The following TOP3B variants were observed in gnomAD, a reference collection of about 807,000 sequenced individuals.
TOP3B encodes the protein DNA topoisomerase 3-beta-1.
A neutral mutation model predicts 93.9 loss-of-function variants in TOP3B; 45 were observed. That is an observed-to-expected ratio of 0.48 (90% confidence interval 0.38 to 0.61). The LOEUF (loss-of-function observed/expected upper bound fraction) is 0.61. Among genes scored for constraint, TOP3B ranks in the 20% least tolerant of loss-of-function variants. TOP3B has a pLI of 0.00. For synonymous variants in TOP3B, 357 were observed against 472.6 expected, an observed-to-expected ratio of 0.76 and a Z score of 3.17; for missense variants, 750 against 1,156.1, an observed-to-expected ratio of 0.65 and a Z score of 5.09.
Position 21,971,832 on chromosome 22 carries a change from G to A in TOP3B, c.384+45C>T, listed in dbSNP as rs367799264. Reference sequence around the variant, plus strand: ...CTGCTGGTGTCAGTTTGGGGCTGGTGTCAGAAAGGCCAAAAGTGAGGAACA... The same window carrying A: ...CTGCTGGTGTCAGTTTGGGGCTGGTATCAGAAAGGCCAAAAGTGAGGAACA... On this transcript the variant is annotated intron_variant, in intron 5 of 17. Transcript: ENST00000357179. This position sits in a 1 kb window ranked among gnomAD's most constrained non-coding sequence, Gnocchi z 4.6. The A allele has an allele frequency of 6.7e-5, 106 of 1,591,316 alleles. 1 individual carries two copies. The African/African-American group carries it at 1.2e-3, about 19-fold the overall frequency.
chr22:21,962,691 G>C (rs1242106151), intron 12 of TOP3B, 56 bp downstream of exon 12: 30 of 1,610,218 alleles, frequency 1.9e-5, no homozygotes, highest in Non-Finnish European at 2.0e-5. Flanking sequence ...ACACGATGTA[G>C]AATGTTTGTC....
chr22:21,968,330 G>C (rs1056246518), intron 7 of TOP3B: 6 of 433,996 alleles, frequency 1.4e-5, no homozygotes, highest in African/African-American at 9.8e-5. Flanking sequence ...CCAGTGCTTG[G>C]ACCTGACCAC....
In TOP3B at chr22:21,958,474, G is replaced by A. The variant is rs1234720686; in HGVS notation, c.2107+18C>T. 2 of 1,613,698 alleles carry A rather than the reference G, an allele frequency of 1.2e-6. No individual in the cohort carries two copies. The highest frequency in any genetic ancestry group is 2.7e-5 in the African/African-American group (2 of 74,950). On this transcript the variant is annotated intron_variant, in intron 17 of 17. Transcript: ENST00000357179. The stretch of plus-strand genomic sequence containing the variant: ...AGACTGCAGCTACCTGTGGACAGGA[G>A]GGAGTGGCTGCACTCACCTTTCTTC...
intron 8 of TOP3B, chr22:21,966,190 C>T (rs2071408198): frequency 6.6e-6 from 1 of 152,164 alleles, no homozygotes; most frequent in Non-Finnish European, 1.5e-5. Flanking sequence ...CACGTGCCAC[C>T]ATGCCCGTCT....
At chr22:21,978,373 G>GTT in intron 1 of TOP3B, among the ~76,000 whole-genome samples, 1 of 152,154 alleles carries the variant, frequency 6.6e-6, no homozygotes, top group East Asian at 1.9e-4. Context: ...GAGGCCAGGA[G>GTT]TTTGAGAAGA....
intron 1 of TOP3B, chr22:21,976,199 A>C (rs2145878823): frequency 6.5e-6 from 1 of 152,758 alleles, no homozygotes; most frequent in Middle Eastern, 3.4e-3. Flanking sequence ...TGGAAAGAGG[A>C]ACTATCGTGG....
At position 21,964,306 on chromosome 22, in the gene TOP3B, G is replaced by C. The variant is rs1442709781; in HGVS notation, c.953C>G (p.Pro318Arg). 6.2e-7 allele frequency: 1 copy of C among 1,613,714 alleles called. No homozygotes were observed. Among genetic ancestry groups the C allele is most frequent in the African/African-American group, 1.3e-5 (1 of 75,038 alleles). ...RVASSSLGMG[P>R]QHAMQTAERL... is the part of the protein sequence containing the mutation. ...CTCAGCCGTCTGCATGGCGTGCTGC[G>C]GCCCCATGCCTGCGAGAGACAGGAG... The change falls in exon 10 of 18, where the codon CCG becomes CGG. Residue 318 changes from proline to arginine, a missense_variant. Pro to Arg is a moderately radical substitution (Grantham distance 103). Around this residue, in one of 4 missense-constraint regions of TOP3B, gnomAD observed 737 missense variants for 933.7 expected, o/e 0.79. Coordinates refer to ENST00000357179, the MANE Select transcript of TOP3B (RefSeq NM_001282112.2).
At chr22:21,972,195 C>T (rs1601850430) in intron 4 of TOP3B, 1 of 516,756 alleles carries the variant, frequency 1.9e-6, no homozygotes, top group East Asian at 3.2e-5. Flanking sequence ...GATCTTATAC[C>T]CCAAAACTGC....
At position 21,963,049 on chromosome 22, in the gene TOP3B, G is replaced by A. The variant is rs1259055434; in HGVS notation, c.1205-156C>T. Reference sequence around the variant, plus strand: ...GGGAAGGAGGAAAGAAAATGTGCAGGAAGGCCGGGCGTGGTGGCTCATGCC... The same window carrying A: ...GGGAAGGAGGAAAGAAAATGTGCAGAAAGGCCGGGCGTGGTGGCTCATGCC... On this transcript the variant is annotated intron_variant, in intron 11 of 17. Coordinates refer to ENST00000357179, the MANE Select transcript of TOP3B (RefSeq NM_001282112.2). The surrounding 1 kb of genome is among the most constrained non-coding windows in gnomAD (Gnocchi z 4.8). The A allele has an allele frequency of 2.2e-6, 2 of 900,192 alleles. No homozygotes were observed. The highest frequency in any genetic ancestry group is 2.7e-5 in the East Asian group (1 of 37,384). 55.8% of individuals were successfully genotyped at this position (900,192 alleles called of 1,614,324 possible).
chr22:21,981,855 G>A lies in TOP3B; in HGVS notation c.-99+875C>T, dbSNP rs549714959. On this transcript the variant is annotated intron_variant, in intron 1 of 17. Coordinates refer to ENST00000357179, the MANE Select transcript of TOP3B (RefSeq NM_001282112.2). ...TGGCCTGGGAGTAGGCCTAGCAGTGGTCTGAATAGCATTAAAATTCCTAGG... is the reference window on the plus strand; with the variant it reads ...TGGCCTGGGAGTAGGCCTAGCAGTGATCTGAATAGCATTAAAATTCCTAGG... 3.8e-4 allele frequency among the ~76,000 whole-genome samples: 58 copies of A among 152,134 alleles called. No homozygotes were observed. The South Asian group carries it at 9.3e-3, about 24-fold the overall frequency.
In TOP3B at chr22:21,960,341, A is replaced by G; in HGVS notation, c.1634T>C (p.Val545Ala). ...CTCACCAATCTTATAGTAGCCGTGC[A>G]CCAGGACGATGCCGAGGTTGGTGGG... ...LKPTNLGIVL[V>A]HGYYKIDAEL... The change falls in exon 14 of 18, where the codon GTG becomes GCG. Residue 545 changes from valine (V) to alanine (A), a missense_variant. Val to Ala is a moderately conservative substitution (Grantham distance 64). Coordinates refer to ENST00000357179, the MANE Select transcript of TOP3B (RefSeq NM_001282112.2). The G allele has an allele frequency of 6.2e-7, 1 of 1,613,562 alleles. No homozygotes were observed. The highest frequency in any genetic ancestry group is 1.3e-5 in the African/African-American group (1 of 75,022).
chr22:21,965,314 T>A lies in TOP3B; in HGVS notation c.914A>T (p.Glu305Val). The A allele has an allele frequency of 6.2e-7, 1 of 1,606,696 alleles. No individual in the cohort carries two copies. Among genetic ancestry groups the A allele is most frequent in the East Asian group, 2.3e-5 (1 of 44,236 alleles). The change falls in exon 9 of 18, where the codon GAG becomes GTG. Residue 305 changes from glutamate (E) to valine (V), a missense_variant. Around this residue, in one of 4 missense-constraint regions of TOP3B, gnomAD observed 737 missense variants for 933.7 expected, o/e 0.79. Transcript: ENST00000357179. ...KQRPLALNTV[E>V]MLRVASSSLG... ...AGAAGAGCTGGCCACACGCAGCATC[T>A]CCACAGTGTTCAGGGCCAGGGGCCT... is the stretch of plus-strand genomic sequence containing the variant.
Position 21,962,903 on chromosome 22 carries a change from G to C in TOP3B, c.1205-10C>G, listed in dbSNP as rs760968837. The C allele has an allele frequency of 2.5e-5, 40 of 1,610,222 alleles. No individual in the cohort carries two copies. The African/African-American group carries it at 3.5e-4, about 14-fold the overall frequency. Reference sequence around the variant, plus strand: ...CGCCACGCGTCACCCCCTGCAACAGGCCAGGGCTAGTCAGTTGGGAGCCAG... The same window carrying C: ...CGCCACGCGTCACCCCCTGCAACAGCCCAGGGCTAGTCAGTTGGGAGCCAG... On this transcript the variant is annotated splice_polypyrimidine_tract_variant and intron_variant, in intron 11 of 17. Coordinates refer to ENST00000357179, the MANE Select transcript of TOP3B (RefSeq NM_001282112.2).
chr22:21,967,864 T>C (rs2071474905), intron 7 of TOP3B, 148 bp from the exon 8 acceptor site: 1 of 625,024 alleles, frequency 1.6e-6, no homozygotes, highest in South Asian at 1.9e-5. Flanking sequence ...CCTGTTCAGG[T>C]GGGCAGATAC....
At position 21,959,407 on chromosome 22, in the gene TOP3B, G is replaced by A. The variant is rs112953094; in HGVS notation, c.1805-175C>T. 6.7e-6 allele frequency: 10 copies of A among 1,487,588 alleles called. No individual in the cohort carries two copies. In the African/African-American group the frequency reaches 9.8e-5, roughly 15 times the overall value. 92.1% of individuals were successfully genotyped at this position (1,487,588 alleles called of 1,614,324 possible). ...GTCAGAGGCACGTGTTCCTGGCCAT[G>A]TGTGGTGTTAATGCACCTGCTCTTT... On this transcript the variant is annotated intron_variant, in intron 15 of 17. Transcript: ENST00000357179.
At chr22:21,975,903 A>C (rs1476861037) in intron 1 of TOP3B, 96 bp from the exon 2 acceptor site, 3 of 811,444 alleles carry the variant, frequency 3.7e-6, no homozygotes, top group Non-Finnish European at 4.9e-6. Flanking sequence ...AACAAGACCA[A>C]CCTGAGGCAA....
chr22:21,966,419 G>C (rs2071416877), intron 8 of TOP3B: 1 of 152,230 alleles, frequency 6.6e-6, no homozygotes, highest in Non-Finnish European at 1.5e-5. Context: ...GCCCGTCCCA[G>C]GGGAAGTACC....
Position 21,960,222 on chromosome 22 carries a change from T to G in TOP3B, c.1654+99A>C. On this transcript the variant is annotated intron_variant, in intron 14 of 17. Coordinates refer to ENST00000357179, the MANE Select transcript of TOP3B (RefSeq NM_001282112.2). ...AGTGTGTGTGGGGCTGGGGGATCAC[T>G]GTAGGGCAGGGGCCTGTCTGGAGCG... is the stretch of plus-strand genomic sequence containing the variant. 2.6e-6 allele frequency: 4 copies of G among 1,561,880 alleles called. No individual in the cohort carries two copies. In the South Asian group the frequency reaches 4.6e-5, roughly 18 times the overall value.
intron 2 of TOP3B, chr22:21,975,006 CCCTCT>C (rs1270659907): frequency 1.3e-5 from 2 of 153,234 alleles, no homozygotes; most frequent in African/African-American, 4.8e-5. Flanking sequence ...GGGTCTCTTC[CCCTCT>C]CAACTGCTGG....
Sources: gnomAD v4.1 joint callset for allele counts (sites outside exome capture counted in the v4.1 genomes callset) on GRCh38, gnomAD v4.1.1 for gene constraint, gnomAD v4.1.1 regional missense constraint, Gnocchi (gnomAD v3.1) non-coding constraint, MANE v1.5 for transcripts, NCBI Gene and HGNC (gene_info 2026-07-23, HGNC 2026-07-21) for gene names.